The following CSRNP3 variants were observed in gnomAD, a reference collection of about 807,000 sequenced individuals.
The protein encoded by CSRNP3 is cysteine/serine-rich nuclear protein 3.
A neutral mutation model predicts 48.0 loss-of-function variants in CSRNP3; 12 were observed. The observed-to-expected ratio is 0.25, with a 90% CI of 0.16 to 0.41. The LOEUF is 0.41. Ranked by LOEUF, CSRNP3 falls within the 10% of genes least tolerant of loss-of-function variation. CSRNP3 has a pLI of 1.00. For missense variants in CSRNP3, 580 were observed against 724.4 expected (o/e 0.80, Z 2.29); for synonymous variants, 263 against 269.7 (o/e 0.98, Z 0.24).
chr2:165,645,625 C>A (rs1256748444), intron 4 of CSRNP3, among the ~76,000 whole-genome samples: 1 of 152,150 alleles, frequency 6.6e-6, no homozygotes, highest in Non-Finnish European at 1.5e-5. Context: ...GCAACCCTCC[C>A]AAATCACTCA....
intron 4 of CSRNP3, among the ~76,000 whole-genome samples, chr2:165,642,284 G>A (rs1270711280): frequency 2.6e-5 from 4 of 152,222 alleles, no homozygotes; most frequent in African/African-American, 9.6e-5. Context: ...GCTTGCAAAG[G>A]GAAATATCTG....
At chr2:165,502,061 A>G (rs1673560022) in intron 2 of CSRNP3, among the ~76,000 whole-genome samples, 1 of 152,082 alleles carries the variant, frequency 6.6e-6, no homozygotes, top group African/African-American at 2.4e-5. Context: ...TGTAGAAAAA[A>G]GTTTTAGCTT....
At position 165,682,244 on chromosome 2, in the gene CSRNP3, A is replaced by G. The variant is rs1275358577; in HGVS notation, c.*2491A>G. 1 of 151,996 alleles carries G rather than the reference A, an allele frequency of 6.6e-6. No homozygotes were observed. The highest frequency in any genetic ancestry group is 1.5e-5 in the Non-Finnish European group (1 of 67,996). The allele number at this position is 151,996 out of a possible 1,614,324, so 9.4% of individuals were successfully genotyped here. A position where few individuals can be genotyped will look rare whatever the true frequency, so the allele number is the denominator to read the frequency against. On this transcript the variant is annotated 3_prime_UTR_variant, in exon 7 of 7. Coordinates refer to ENST00000651982, the MANE Select transcript of CSRNP3 (RefSeq NM_001172173.2). ...GTTTTCTAGCTTTGTTTCCAAAAGG[A>G]TGCTTAAGAAAACAGAGTTTTTTTC... is the stretch of plus-strand genomic sequence containing the variant.
intron 4 of CSRNP3, among the ~76,000 whole-genome samples, chr2:165,641,418 G>A (rs1462317700): frequency 1.3e-5 from 2 of 152,108 alleles, no homozygotes; most frequent in Non-Finnish European, 2.9e-5. Context: ...TATCATCTGG[G>A]AACAGTAATA....
chr2:165,546,071 C>T (rs1425472791), intron 3 of CSRNP3, among the ~76,000 whole-genome samples: 2 of 152,078 alleles, frequency 1.3e-5, no homozygotes, highest in Non-Finnish European at 2.9e-5. Context: ...ATGTTAAGTA[C>T]CTTGCCTGAA....
rs746604656 is a variant in CSRNP3 at position 165,681,411 on chromosome 2, A to G, written c.*1658A>G. On this transcript the variant is annotated 3_prime_UTR_variant, in exon 7 of 7. Transcript: ENST00000651982. ...GGATATAAATATATTGTAGATCTCA[A>G]TTTCTAAAAAAAATATTTTATTTAA... 5.4e-5 allele frequency: 8 copies of G among 149,394 alleles called. No individual in the cohort carries two copies. Among genetic ancestry groups the G allele is most frequent in the Non-Finnish European group, 7.5e-5 (5 of 66,940 alleles). 9.3% of individuals were successfully genotyped at this position (149,394 alleles called of 1,614,324 possible).
At chr2:165,493,790 C>T (rs1039965908) in intron 1 of CSRNP3, among the ~76,000 whole-genome samples, 2 of 152,052 alleles carry the variant, frequency 1.3e-5, no homozygotes, top group African/African-American at 2.4e-5. Flanking sequence ...CATTTTCCTT[C>T]AGGTGAAATA....
At chr2:165,604,161 G>C (rs1471033395) in intron 4 of CSRNP3, among the ~76,000 whole-genome samples, 1 of 152,160 alleles carries the variant, frequency 6.6e-6, no homozygotes, top group African/African-American at 2.4e-5. Flanking sequence ...ACATGATCCA[G>C]TTTCTGCAGA....
intron 3 of CSRNP3, among the ~76,000 whole-genome samples, chr2:165,589,726 T>C (rs1685686966): frequency 6.6e-6 from 1 of 152,186 alleles, no homozygotes; most frequent in African/African-American, 2.4e-5. Context: ...TATCTTATTA[T>C]CTCTTCAAAA....
chr2:165,515,334 A>AAATATAT (rs1328902699), intron 2 of CSRNP3, among the ~76,000 whole-genome samples: 1 of 118,978 alleles, frequency 8.4e-6, no homozygotes, highest in African/African-American at 3.0e-5. Flanking sequence ...AAAAAAAAAA[A>AAATATAT]ATACATATAT....
At chr2:165,665,858 AAG>A (rs534535746) in intron 5 of CSRNP3, among the ~76,000 whole-genome samples, 1 of 145,820 alleles carries the variant, frequency 6.9e-6, no homozygotes, top group African/African-American at 2.6e-5. Context: ...GAAGGAAGGA[AAG>A]AGAGAGAGAA....
intron 4 of CSRNP3, among the ~76,000 whole-genome samples, chr2:165,636,923 G>A (rs1390994416): frequency 2.0e-5 from 3 of 152,094 alleles, no homozygotes; most frequent in Non-Finnish European, 2.9e-5. Flanking sequence ...TAGGCAGTAG[G>A]GTTGACCTCT....
At chr2:165,574,306 T>C in intron 3 of CSRNP3, 2 of 1,414,862 alleles carry the variant, frequency 1.4e-6, no homozygotes, top group African/African-American at 1.4e-5. Context: ...CTGGATCAGT[T>C]GCCTGAAAAA....
chr2:165,546,230 C>T (rs557046039), intron 3 of CSRNP3, among the ~76,000 whole-genome samples: 28 of 152,182 alleles, frequency 1.8e-4, no homozygotes, highest in Non-Finnish European at 3.5e-4. Flanking sequence ...CTCACTCTGT[C>T]GCCCAGGCTG....
intron 3 of CSRNP3, among the ~76,000 whole-genome samples, chr2:165,580,731 G>C (rs1357430650): frequency 6.6e-6 from 1 of 152,002 alleles, no homozygotes; most frequent in Non-Finnish European, 1.5e-5. Flanking sequence ...TGCCTCATCT[G>C]TTTTGTTATT....
At chr2:165,536,308 A>C (rs1481578554) in intron 3 of CSRNP3, among the ~76,000 whole-genome samples, 1 of 151,942 alleles carries the variant, frequency 6.6e-6, no homozygotes, top group Admixed American at 6.6e-5. Context: ...CCTAGTTATA[A>C]ATATTAACCA....
intron 3 of CSRNP3, among the ~76,000 whole-genome samples, chr2:165,559,511 A>T (rs1022674287): frequency 2.4e-4 from 36 of 152,296 alleles, no homozygotes; most frequent in Admixed American, 1.6e-3. Flanking sequence ...ATTTTTTAAA[A>T]AATGAACAAA....
chr2:165,579,139 A>T (rs576241241), intron 3 of CSRNP3, among the ~76,000 whole-genome samples: 1 of 152,278 alleles, frequency 6.6e-6, no homozygotes, highest in East Asian at 1.9e-4. Context: ...GAAAATCCTC[A>T]TGGAACATCT....
intron 1 of CSRNP3, among the ~76,000 whole-genome samples, chr2:165,484,935 C>G (rs1684093141): frequency 6.6e-6 from 1 of 152,202 alleles, no homozygotes; most frequent in Non-Finnish European, 1.5e-5. Flanking sequence ...CTCTTTCTTT[C>G]TCTTTCTGAG....
Sources: gnomAD v4.1 joint callset for allele counts (sites outside exome capture counted in the v4.1 genomes callset) on GRCh38, gnomAD v4.1.1 for gene constraint, MANE v1.5 for transcripts, NCBI Gene and HGNC (gene_info 2026-07-23, HGNC 2026-07-21) for gene names.